Variants in ABCA2 observed in about 807,000 individuals in gnomAD.
The protein encoded by ABCA2 is ATP binding cassette subfamily A member 2, also known as ATP-binding cassette sub-family A member 2.
Under a neutral mutation model 262.8 loss-of-function variants are expected in ABCA2, and 84 were observed. The observed-to-expected ratio is 0.32, with a 90% CI of 0.27 to 0.38. ABCA2 has a LOEUF of 0.38. Ranked by LOEUF, ABCA2 falls within the 10% of genes least tolerant of loss-of-function variation. ABCA2 has a pLI of 1.00. For synonymous variants in ABCA2, 1,696 were observed against 1,502.9 expected (o/e 1.13, Z -2.97); for missense variants, 2,662 against 3,405.9 (o/e 0.78, Z 5.44).
chr9:137,014,881 G>A, intron 25 of ABCA2, 32 bp downstream of exon 25: 1 of 1,578,786 alleles, frequency 6.3e-7, no homozygotes, highest in South Asian at 1.1e-5. Context: ...TCCACCACCT[G>A]CAACTGCCCC....
rs1232971312 is a variant in ABCA2, at chr9:137,009,991, C to G, written c.6487G>C (p.Glu2163Gln). The change falls in exon 42 of 49, where the codon GAG becomes CAG. Residue 2163 changes from glutamate (E) to glutamine (Q), a missense_variant. Glu to Gln is a conservative substitution (Grantham distance 29). This residue lies in a region of ABCA2 where 602 missense variants were observed against 897.4 expected (regional missense o/e 0.67). Coordinates refer to ENST00000341511, the MANE Select transcript of ABCA2 (RefSeq NM_001606.5). Reference protein sequence around the residue: ...TRLRGISWKDEARVVKWALEK... With the variant: ...TRLRGISWKDQARVVKWALEK... ...GCCCCACAGATCCTCACCCGGGCCTCGTCCTTCCAGGAGATCCCACGCAGC... is the reference window on the plus strand; with the variant it reads ...GCCCCACAGATCCTCACCCGGGCCTGGTCCTTCCAGGAGATCCCACGCAGC... 1 of 1,596,564 alleles carries G rather than the reference C, an allele frequency of 6.3e-7. No homozygotes were observed. The highest frequency in any genetic ancestry group is 2.3e-5 in the East Asian group (1 of 43,938).
rs4880188 is a variant in ABCA2 at position 137,013,390 on chromosome 9, T to A, written c.4550+71A>T. 3.3e-6 allele frequency: 5 copies of A among 1,506,802 alleles called. No homozygotes were observed. In the African/African-American group the frequency reaches 4.1e-5, roughly 12 times the overall value. 93.3% of individuals were successfully genotyped at this position (1,506,802 alleles called of 1,614,324 possible). A position where few individuals can be genotyped will look rare whatever the true frequency, so the allele number is the denominator to read the frequency against. On this transcript the variant is annotated intron_variant, in intron 29 of 48. Transcript: ENST00000341511. The stretch of plus-strand genomic sequence containing the variant: ...CGCCAGCCCCGCCCCCTCGCCCGCC[T>A]GGCCCACCAAGGCTGTCCCCGCCCC...
In ABCA2 at chr9:137,016,734, C is replaced by T. The variant is rs762507345; in HGVS notation, c.2763G>A (p.Met921Ile). The T allele has an allele frequency of 6.4e-7, 1 of 1,552,522 alleles. No individual in the cohort carries two copies. Among genetic ancestry groups the T allele is most frequent in the Non-Finnish European group, 8.7e-7 (1 of 1,151,460 alleles). The change falls in exon 20 of 49, where the codon ATG becomes ATA. Residue 921 changes from methionine to isoleucine, a missense_variant. Met to Ile is a conservative substitution (Grantham distance 10). Coordinates refer to ENST00000341511, the MANE Select transcript of ABCA2 (RefSeq NM_001606.5). ...AGTACCAGGGCCGGGGCAGCCCGTA[C>T]ATGCCTGGGGGTCGGGGAGGGGAGG... ...TWYIEAVHPG[M>I]YGLPRPWYFP...
Position 137,019,428 on chromosome 9 carries a change from T to C in ABCA2, c.1426-122A>G. On this transcript the variant is annotated intron_variant, in intron 10 of 48. Transcript: ENST00000341511. This position sits in a 1 kb window ranked among gnomAD's most constrained non-coding sequence, Gnocchi z 4.4. ...CCAACAACTAACCCTCCCCACCTTT[T>C]TTTTTTTTTTTTTCCTGAGACAGGG... The C allele has an allele frequency of 2.7e-6, 3 of 1,118,014 alleles. No homozygotes were observed. The highest frequency in any genetic ancestry group is 3.7e-6 in the Non-Finnish European group (3 of 815,074). 69.3% of individuals were successfully genotyped at this position (1,118,014 alleles called of 1,614,324 possible). A position where few individuals can be genotyped will look rare whatever the true frequency, so the allele number is the denominator to read the frequency against.
rs751988535 is a variant in ABCA2, at chr9:137,022,435, C to T, written c.483G>A (p.Glu161=). ...SLDSVARNPQ[E]LWRFLTQNLS... ...AGTTTTGCGTCAGGAAACGCCAGAG[C>T]TCCTGCGGGTTTCTGGCCACCGAGT... The change falls in exon 6 of 49, where the codon GAG becomes GAA. Residue 161 remains glutamate, a synonymous_variant. Coordinates refer to ENST00000341511, the MANE Select transcript of ABCA2 (RefSeq NM_001606.5). 9.3e-6 allele frequency: 15 copies of T among 1,611,838 alleles called. No homozygotes were observed. The South Asian group carries it at 1.5e-4, about 17-fold the overall frequency.
Position 137,008,813 on chromosome 9 carries a change from G to A in ABCA2, c.6986C>T (p.Ala2329Val). ...CTGCTCCATCTTGCTGAACACCTGG[G>A]CCAGCGAGATGTGCTCCGACTTGAG... is the stretch of plus-strand genomic sequence containing the variant. ...YQLKSEHISL[A>V]QVFSKMEQVS... Residue 2329 changes from alanine to valine, a missense_variant, in exon 47 of 49, where the codon GCC becomes GTC. Ala to Val is a moderately conservative substitution (Grantham distance 64). Around this residue, in one of 12 missense-constraint regions of ABCA2, gnomAD observed 212 missense variants for 214.4 expected, o/e 0.99. Coordinates refer to ENST00000341511, the MANE Select transcript of ABCA2 (RefSeq NM_001606.5). 6.2e-7 allele frequency: 1 copy of A among 1,605,036 alleles called. No individual in the cohort carries two copies. The highest frequency in any genetic ancestry group is 8.5e-7 in the Non-Finnish European group (1 of 1,179,030).
Position 137,013,336 on chromosome 9 carries a change from G to A in ABCA2, c.4551-18C>T, listed in dbSNP as rs375393590. 5.8e-4 allele frequency: 887 copies of A among 1,536,104 alleles called. 5 individuals carry two copies. In the African/African-American group the frequency reaches 0.011, roughly 19 times the overall value. On this transcript the variant is annotated intron_variant, in intron 29 of 48. Transcript: ENST00000341511. ...GCCGCAGCCTGCGGGCACCGACAGT[G>A]TGAGGTGGGGCTGCCAGTCTCCGCC...
At chr9:137,020,531 A>AG in intron 9 of ABCA2, 36 bp from the exon 10 acceptor site, 3 of 1,557,824 alleles carry the variant, frequency 1.9e-6, no homozygotes, top group Non-Finnish European at 2.6e-6. Flanking sequence ...CCAGGCCGTT[A>AG]GGGGGCAGGG....
rs766969984 is a variant in ABCA2 at position 137,012,158 on chromosome 9, G to C, written c.5304C>G (p.Ile1768Met). Residue 1768 changes from isoleucine (I) to methionine (M), a missense_variant, in exon 34 of 49, where the codon ATC becomes ATG. Transcript: ENST00000341511. ...TATTCATGGGGTGGTTGGTGACGGT[G>C]ATGCCTGCACACGGCGGGGCGGGGG... is the stretch of plus-strand genomic sequence containing the variant. ...KSKGNPAAYGITVTNHPMNKT... is the reference protein window; with the variant it reads ...KSKGNPAAYGMTVTNHPMNKT... 3.1e-6 allele frequency: 5 copies of C among 1,612,262 alleles called. No homozygotes were observed. Among genetic ancestry groups the C allele is most frequent in the Non-Finnish European group, 4.2e-6 (5 of 1,179,820 alleles).
chr9:137,024,266 G>A (rs1831577510), intron 1 of ABCA2, 30 bp from the exon 2 acceptor site: 1 of 1,570,534 alleles, frequency 6.4e-7, no homozygotes, highest in Non-Finnish European at 8.7e-7. Context: ...TGAGGGATAG[G>A]ACAGACCTGT....
chr9:137,008,417 C>T lies in ABCA2; in HGVS notation c.7274G>A (p.Arg2425Gln), dbSNP rs897120624. 36 of 1,549,940 alleles carry T rather than the reference C, an allele frequency of 2.3e-5. No individual in the cohort carries two copies. The highest frequency in any genetic ancestry group is 3.6e-5 in the South Asian group (3 of 84,112). Residue 2425 changes from arginine (R) to glutamine (Q), a missense_variant and splice_region_variant, in exon 48 of 49, where the codon CGG becomes CAG. Arg to Gln is a conservative substitution (Grantham distance 43, BLOSUM62 1). Coordinates refer to ENST00000341511, the MANE Select transcript of ABCA2 (RefSeq NM_001606.5). ...DEGLISFEEE[R>Q]AQLSFNTDTL... ...CAGCCATGAGAGCAGCCTGCTCACC[C>T]GCTCCTCCTCGAAGCTGATGAGGCC...
rs754720737 is a variant in ABCA2, at chr9:137,012,887, G to A, written c.4906C>T (p.Arg1636Trp). The A allele has an allele frequency of 1.1e-5, 18 of 1,571,306 alleles. No individual in the cohort carries two copies. The highest frequency in any genetic ancestry group is 2.3e-5 in the South Asian group (2 of 87,438). The change falls in exon 31 of 49, where the codon CGG becomes TGG. Residue 1636 changes from arginine (R) to tryptophan (W), a missense_variant. Arg to Trp is a moderately radical substitution (Grantham distance 101, BLOSUM62 -3). Around this residue, in one of 12 missense-constraint regions of ABCA2, gnomAD observed 192 missense variants for 207.2 expected, o/e 0.93. Coordinates refer to ENST00000341511, the MANE Select transcript of ABCA2 (RefSeq NM_001606.5). ...TSAPSLPRLV[R>W]EPVRCTCSAQ... ...GAGCAGGTGCAGCGGACGGGCTCCC[G>A]TACCAGGCGCGGCAGGGAGGGTGCC...
chr9:137,014,801 G>A lies in ABCA2; in HGVS notation c.3892C>T (p.Arg1298Cys), dbSNP rs78646671. ...CTGAGGTGCAGTGCATCCAGGCTGC[G>A]CTCCAGGTGCTGCAGGGGCGGTGGA... ...AFERLFQHLE[R>C]SLDALHLSSF... The change falls in exon 26 of 49, where the codon CGC (arginine) becomes TGC (cysteine). Residue 1298 changes from arginine (R) to cysteine (C), a missense_variant. This residue lies in a region of ABCA2 where 297 missense variants were observed against 286.5 expected (regional missense o/e 1.04). Coordinates refer to ENST00000341511, the MANE Select transcript of ABCA2 (RefSeq NM_001606.5). The A allele has an allele frequency of 4.1e-5, 65 of 1,599,964 alleles. No individual in the cohort carries two copies. The East Asian group carries it at 4.7e-4, about 12-fold the overall frequency.
At chr9:137,009,932 G>A in intron 42 of ABCA2, 29 bp from the exon 43 acceptor site, 3 of 1,600,498 alleles carry the variant, frequency 1.9e-6, no homozygotes, top group Non-Finnish European at 2.6e-6. Context: ...TGTCAGTGGA[G>A]GCAGGGCCAC....
At position 137,011,720 on chromosome 9, in the gene ABCA2, A is replaced by G; in HGVS notation, c.5565T>C (p.Cys1855=). Residue 1855 remains cysteine (C), a synonymous_variant, in exon 36 of 49, where the codon TGT becomes TGC. Coordinates refer to ENST00000341511, the MANE Select transcript of ABCA2 (RefSeq NM_001606.5). The surrounding 1 kb of genome is among the most constrained non-coding windows in gnomAD (Gnocchi z 8.8). ...MLNYLVPATC[C]VIILFVFDLP... is the part of the protein sequence containing the mutation. ...GGTCGAACACAAACAGGATGATGAC[A>G]CAGCAGGTAGCGGGGACCAGGTAGT... 1 of 1,552,918 alleles carries G rather than the reference A, an allele frequency of 6.4e-7. No homozygotes were observed. The highest frequency in any genetic ancestry group is 8.7e-7 in the Non-Finnish European group (1 of 1,148,830).
intron 3 of ABCA2, chr9:137,023,497 G>A: frequency 1.4e-6 from 1 of 739,418 alleles, no homozygotes; most frequent in Non-Finnish European, 2.5e-6. Flanking sequence ...AGGGAGAGTA[G>A]CCAGGCCGCT....
chr9:137,018,561 C>T (rs1290711896), intron 13 of ABCA2, among the ~76,000 whole-genome samples, 158 bp downstream of exon 13: 1 of 96,994 alleles, frequency 1.0e-5, no homozygotes, highest in African/African-American at 4.2e-5. Context: ...TGGGTTGGGG[C>T]CGTTTGGAAG....
chr9:137,027,093 T>C (rs1831678007), intron 1 of ABCA2, among the ~76,000 whole-genome samples: 1 of 152,206 alleles, frequency 6.6e-6, no homozygotes, highest in African/African-American at 2.4e-5. Flanking sequence ...GGGCCCTGGC[T>C]GGGCAAGAGG....
chr9:137,013,124 T>G lies in ABCA2; in HGVS notation c.4745A>C (p.Gln1582Pro). The change falls in exon 30 of 49, where the codon CAG (glutamine) becomes CCG (proline). Residue 1582 changes from glutamine to proline, a missense_variant. Gln to Pro is a moderately conservative substitution (Grantham distance 76, BLOSUM62 -1). This residue lies in a region of ABCA2 where 192 missense variants were observed against 207.2 expected (regional missense o/e 0.93). Coordinates refer to ENST00000341511, the MANE Select transcript of ABCA2 (RefSeq NM_001606.5). The stretch of plus-strand genomic sequence containing the variant: ...CACGAAATTGGACAGTGGCAGCCCC[T>G]GTGTGAAGGACTCCAGACACATGCT... Reference protein sequence around the residue: ...FDSMCLESFTQGLPLSNFVPP... With the variant: ...FDSMCLESFTPGLPLSNFVPP... 6.3e-7 allele frequency: 1 copy of G among 1,596,026 alleles called. No individual in the cohort carries two copies. Among genetic ancestry groups the G allele is most frequent in the Non-Finnish European group, 8.5e-7 (1 of 1,173,608 alleles).
Sources: allele counts gnomAD v4.1 joint callset (sites outside exome capture counted in the v4.1 genomes callset), GRCh38; gene constraint gnomAD v4.1.1; regional missense constraint gnomAD v4.1.1; non-coding constraint Gnocchi (gnomAD v3.1); transcripts MANE v1.5; gene names NCBI Gene and HGNC (gene_info 2026-07-23, HGNC 2026-07-21).